Variants in EXOC6 observed in about 807,000 individuals in gnomAD.
The protein encoded by EXOC6 is exocyst complex component 6.
EXOC6 carries 60 observed loss-of-function variants against 112.5 expected under a neutral mutation model. The ratio of observed to expected loss-of-function variants is 0.53; its 90% confidence interval spans 0.43 to 0.66. The LOEUF is 0.66. Among genes scored for constraint, EXOC6 ranks in the 30% least tolerant of loss-of-function variants. EXOC6 has a pLI of 0.00. For synonymous variants in EXOC6, 295 were observed against 308.0 expected (o/e 0.96, Z 0.44); for missense variants, 855 against 957.1 (o/e 0.89, Z 1.41).
chr10:92,887,721 A>G (rs1466924511), intron 1 of EXOC6, among the ~76,000 whole-genome samples: 1 of 152,068 alleles, frequency 6.6e-6, no homozygotes, highest in Non-Finnish European at 1.5e-5. Flanking sequence ...TTCCATTTTG[A>G]GCGCTTGCTT....
At chr10:92,944,479 G>C (rs534234815) in intron 13 of EXOC6, among the ~76,000 whole-genome samples, 1 of 151,990 alleles carries the variant, frequency 6.6e-6, no homozygotes, top group East Asian at 1.9e-4. Context: ...CAAGTGATCC[G>C]CCTGCCTTGG....
At chr10:92,916,386 T>C (rs1282264293) in intron 7 of EXOC6, among the ~76,000 whole-genome samples, 1 of 152,126 alleles carries the variant, frequency 6.6e-6, no homozygotes, top group African/African-American at 2.4e-5. Flanking sequence ...GGTGGGCACC[T>C]CTAGTCCCAG....
At chr10:92,921,877 T>G (rs1198547055) in intron 8 of EXOC6, among the ~76,000 whole-genome samples, 1 of 152,034 alleles carries the variant, frequency 6.6e-6, no homozygotes, top group Non-Finnish European at 1.5e-5. Context: ...TGCTGTAAAT[T>G]TAATAAACTT....
chr10:92,868,557 C>T (rs1848287104), intron 1 of EXOC6, among the ~76,000 whole-genome samples: 1 of 151,960 alleles, frequency 6.6e-6, no homozygotes, highest in Admixed American at 6.6e-5. Context: ...TCTAAACAAA[C>T]AATAAATTTC....
chr10:93,043,126 G>T (rs975541507), intron 20 of EXOC6, among the ~76,000 whole-genome samples: 8 of 151,774 alleles, frequency 5.3e-5, no homozygotes, highest in South Asian at 4.2e-4. Context: ...TAGTAGAGAC[G>T]GGGTTTCACC....
intron 1 of EXOC6, among the ~76,000 whole-genome samples, chr10:92,858,719 A>G (rs1249898135): frequency 6.6e-6 from 1 of 152,178 alleles, no homozygotes; most frequent in Non-Finnish European, 1.5e-5. Flanking sequence ...GAAGTCTGCT[A>G]CATCCAACAT....
intron 20 of EXOC6, among the ~76,000 whole-genome samples, chr10:93,045,711 T>C (rs1284839231): frequency 6.6e-6 from 1 of 152,256 alleles, no homozygotes; most frequent in Non-Finnish European, 1.5e-5. Context: ...ACGTTTGATT[T>C]CCTTGGTATT....
At chr10:92,894,743 A>G in intron 2 of EXOC6, 51 bp from the exon 3 acceptor site, 2 of 1,439,478 alleles carry the variant, frequency 1.4e-6, no homozygotes, top group Non-Finnish European at 2.0e-6. Flanking sequence ...CAGTTACATC[A>G]GGGCAGTTTT....
At chr10:92,890,935 A>G (rs1220904838) in intron 1 of EXOC6, among the ~76,000 whole-genome samples, 1 of 152,170 alleles carries the variant, frequency 6.6e-6, no homozygotes, top group Non-Finnish European at 1.5e-5. Context: ...CCCATTAGCT[A>G]TCATCTGGCT....
chr10:93,018,062 A>T (rs1040025880), intron 20 of EXOC6, among the ~76,000 whole-genome samples: 1 of 151,772 alleles, frequency 6.6e-6, no homozygotes, highest in Non-Finnish European at 1.5e-5. Flanking sequence ...AAAAAGAAAT[A>T]CATTCTTTAT....
chr10:92,877,750 G>C (rs1423608009), intron 1 of EXOC6, among the ~76,000 whole-genome samples: 1 of 151,706 alleles, frequency 6.6e-6, no homozygotes, highest in East Asian at 1.9e-4. Context: ...ACTACTTCTG[G>C]ATATACTTAT....
intron 12 of EXOC6, among the ~76,000 whole-genome samples, chr10:92,938,304 A>G (rs1852465244): frequency 6.6e-6 from 1 of 152,090 alleles, no homozygotes; most frequent in Non-Finnish European, 1.5e-5. Flanking sequence ...AGTCCTTCCT[A>G]CTTTTTCAGT....
chr10:92,839,189 T>G (rs908679675), intron 1 of EXOC6, among the ~76,000 whole-genome samples: 1 of 152,170 alleles, frequency 6.6e-6, no homozygotes, highest in East Asian at 1.9e-4. Flanking sequence ...ATTGTTTTCA[T>G]TGCTTGCAAC....
intron 1 of EXOC6, among the ~76,000 whole-genome samples, chr10:92,851,987 A>G (rs1363359076): frequency 3.3e-5 from 5 of 152,156 alleles, no homozygotes; most frequent in Non-Finnish European, 7.3e-5. Flanking sequence ...AGAATGGCTC[A>G]GAGTCTGGGT....
chr10:92,986,543 G>A (rs1203847303), intron 18 of EXOC6, among the ~76,000 whole-genome samples: 4 of 151,550 alleles, frequency 2.6e-5, no homozygotes, highest in African/African-American at 4.8e-5. Context: ...ATTTGGTGAA[G>A]AGGGCAGCTT....
At chr10:93,051,073 C>G (rs745592003) in intron 20 of EXOC6, among the ~76,000 whole-genome samples, 1 of 147,718 alleles carries the variant, frequency 6.8e-6, no homozygotes, top group Non-Finnish European at 1.5e-5. Context: ...TGGTAGTGAC[C>G]AAAAAGAAAA....
intron 14 of EXOC6, among the ~76,000 whole-genome samples, chr10:92,948,958 A>G (rs1388840777): frequency 1.3e-5 from 2 of 152,206 alleles, no homozygotes; most frequent in Admixed American, 1.3e-4. Context: ...AGAGAAAGGA[A>G]GTAGACCAGC....
At chr10:92,837,952 C>G (rs1197198348) in intron 1 of EXOC6, among the ~76,000 whole-genome samples, 1 of 152,190 alleles carries the variant, frequency 6.6e-6, no homozygotes, top group East Asian at 1.9e-4. Context: ...GCTGTAAAAT[C>G]CTGAACTCTG....
At chr10:92,880,263 A>G (rs1051166677) in intron 1 of EXOC6, among the ~76,000 whole-genome samples, 1 of 152,216 alleles carries the variant, frequency 6.6e-6, no homozygotes, top group African/African-American at 2.4e-5. Context: ...TGTAAATGCC[A>G]TGTAAATAGT....
Sources: gnomAD v4.1 joint callset for allele counts (sites outside exome capture counted in the v4.1 genomes callset) on GRCh38, gnomAD v4.1.1 for gene constraint, MANE v1.5 for transcripts, NCBI Gene and HGNC (gene_info 2026-07-23, HGNC 2026-07-21) for gene names.